ADORA2B: variants seen among roughly 807,000 people sequenced by gnomAD.
ADORA2B encodes adenosine A2b receptor.
A neutral mutation model predicts 20.8 loss-of-function variants in ADORA2B; 18 were observed. The observed-to-expected ratio is 0.87, with a 90% CI of 0.60 to 1.29. The LOEUF (loss-of-function observed/expected upper bound fraction) is 1.29. Among genes scored for constraint, ADORA2B ranks in the 50% most tolerant of loss-of-function variants. ADORA2B has a pLI of 0.00. For synonymous variants in ADORA2B, 179 were observed against 178.3 expected (o/e 1.00, Z -0.03); for missense variants, 441 against 422.7 (o/e 1.04, Z -0.38).
the ADORA2B span, among the ~76,000 whole-genome samples, chr17:15,900,252 ATTTTCTG>A: frequency 6.6e-6 from 1 of 151,890 alleles, no homozygotes; most frequent in Admixed American, 6.6e-5. Context: ...AGAATGATTT[ATTTTCTG>A]TTGGATATAT....
chr17:15,859,024 T>C, the ADORA2B span, among the ~76,000 whole-genome samples: 8 of 152,216 alleles, frequency 5.3e-5, no homozygotes, highest in Non-Finnish European at 1.0e-4. Flanking sequence ...GGGTCTTGCT[T>C]TGTTGCCCAG....
Position 15,945,146 on chromosome 17 carries a change from G to GGC in ADORA2B, c.-99_-98dup. ...CCGAGGCTCAGAAGCGGCAGGCGGAGGCGCGGTCCGGGCGCTATGGCCATG... is the reference window on the plus strand; with the variant it reads ...CCGAGGCTCAGAAGCGGCAGGCGGAGGCGCGCGGTCCGGGCGCTATGGCCATG... On this transcript the variant is annotated 5_prime_UTR_variant, in exon 1 of 2. Transcript: ENST00000304222. 9.6e-7 allele frequency: 1 copy of GGC among 1,041,694 alleles called. No homozygotes were observed. The highest frequency in any genetic ancestry group is 1.3e-6 in the Non-Finnish European group (1 of 799,876). 64.5% of individuals were successfully genotyped at this position (1,041,694 alleles called of 1,614,324 possible).
At chr17:15,893,469 C>T in the ADORA2B span, among the ~76,000 whole-genome samples, 1 of 126,424 alleles carries the variant, frequency 7.9e-6, no homozygotes, top group Non-Finnish European at 1.5e-5. Flanking sequence ...GATAATCAGC[C>T]CTTCCTTCCT....
At chr17:15,872,475 C>G in the ADORA2B span, among the ~76,000 whole-genome samples, 1 of 152,030 alleles carries the variant, frequency 6.6e-6, no homozygotes, top group Non-Finnish European at 1.5e-5. Flanking sequence ...GAATTTCATT[C>G]AGCAGATTGT....
the ADORA2B span, among the ~76,000 whole-genome samples, chr17:15,865,733 T>C: frequency 1.1e-4 from 16 of 151,726 alleles, no homozygotes; most frequent in African/African-American, 3.9e-4. Context: ...TTATGGATTT[T>C]CACAAAAGTA....
the ADORA2B span, among the ~76,000 whole-genome samples, chr17:15,869,027 AAAT>A: frequency 6.6e-6 from 1 of 151,476 alleles, no homozygotes; most frequent in African/African-American, 2.4e-5. Context: ...GTATATTAAA[AAAT>A]AATTGAAGGC....
chr17:15,897,993 G>T, the ADORA2B span, among the ~76,000 whole-genome samples: 5 of 151,952 alleles, frequency 3.3e-5, no homozygotes, highest in African/African-American at 1.2e-4. Context: ...ACCATTAAAG[G>T]GGTTGAATTC....
chr17:15,888,842 ATATATATATTTTTTTT>A, the ADORA2B span, among the ~76,000 whole-genome samples: 2 of 17,146 alleles, frequency 1.2e-4, no homozygotes, highest in African/African-American at 9.5e-4. Flanking sequence ...ATATATATAT[ATATATATATTTTTTTT>A]TTTTTTTTTT....
chr17:15,861,071 T>C, the ADORA2B span: 5 of 152,258 alleles, frequency 3.3e-5, no homozygotes, highest in African/African-American at 9.6e-5. Context: ...TTGTTCCTTC[T>C]GTTTTGTCCT....
chr17:15,927,501 G>T, the ADORA2B span, among the ~76,000 whole-genome samples: 1 of 151,686 alleles, frequency 6.6e-6, no homozygotes, highest in African/African-American at 2.4e-5. Flanking sequence ...AAAAAAATTT[G>T]CTGGGTGTGG....
intron 1 of ADORA2B, among the ~76,000 whole-genome samples, chr17:15,953,471 C>T (rs905012463): frequency 1.3e-5 from 2 of 152,204 alleles, no homozygotes; most frequent in African/African-American, 4.8e-5. Flanking sequence ...CCCCGAGGGG[C>T]GCTCTGGGCT....
intron 1 of ADORA2B, among the ~76,000 whole-genome samples, chr17:15,959,546 G>A (rs1056416512): frequency 7.0e-6 from 1 of 142,936 alleles, no homozygotes; most frequent in African/African-American, 2.6e-5. Flanking sequence ...TATCACCCAG[G>A]CTGGGGTGCA....
At chr17:15,954,946 G>A (rs1969948533) in intron 1 of ADORA2B, among the ~76,000 whole-genome samples, 1 of 151,982 alleles carries the variant, frequency 6.6e-6, no homozygotes, top group African/African-American at 2.4e-5. Flanking sequence ...GGGATCATTT[G>A]TTTTTCCTTG....
At chr17:15,863,370 G>A in the ADORA2B span, among the ~76,000 whole-genome samples, 1 of 151,724 alleles carries the variant, frequency 6.6e-6, no homozygotes, top group African/African-American at 2.4e-5. Flanking sequence ...TTAGAGATGG[G>A]GGTCTCGCTC....
chr17:15,851,820 G>A, the ADORA2B span, among the ~76,000 whole-genome samples: 5 of 152,140 alleles, frequency 3.3e-5, no homozygotes, highest in Non-Finnish European at 7.4e-5. Context: ...CCTAGAAAAG[G>A]AAGTGTATTT....
At chr17:15,915,697 A>G in the ADORA2B span, among the ~76,000 whole-genome samples, 1 of 152,326 alleles carries the variant, frequency 6.6e-6, no homozygotes, top group Admixed American at 6.5e-5. Flanking sequence ...GCCGTGTCCA[A>G]GTGGAGACCC....
At chr17:15,969,361 G>A (rs1433751002) in intron 1 of ADORA2B, among the ~76,000 whole-genome samples, 10 of 152,214 alleles carry the variant, frequency 6.6e-5, no homozygotes, top group Admixed American at 6.5e-4. Flanking sequence ...GGCTGAGGCA[G>A]GAGAATCGCT....
At chr17:15,945,074 C>T (rs1379765714), upstream of ADORA2B, 2 of 447,628 alleles carry the variant, frequency 4.5e-6, no homozygotes, top group Non-Finnish European at 7.0e-6. Flanking sequence ...CGCCTCTTGG[C>T]CGCGGGGGGC....
At chr17:15,946,037 G>A (rs554267044) in intron 1 of ADORA2B, among the ~76,000 whole-genome samples, 59 of 152,252 alleles carry the variant, frequency 3.9e-4, no homozygotes, top group African/African-American at 1.4e-3. Context: ...TGCGGCTCCC[G>A]GAGGCCCGGG....
Sources: allele counts gnomAD v4.1 joint callset (sites outside exome capture counted in the v4.1 genomes callset), GRCh38; gene constraint gnomAD v4.1.1; transcripts MANE v1.5; gene names NCBI Gene and HGNC (gene_info 2026-07-23, HGNC 2026-07-21).